Variants in ASB15 observed in about 807,000 individuals in gnomAD.
ASB15 encodes the protein ankyrin repeat and SOCS box containing 15, also known as ankyrin repeat and SOCS box protein 15.
ASB15 carries 54 observed loss-of-function variants against 58.0 expected under a neutral mutation model. The observed-to-expected ratio is 0.93, with a 90% CI of 0.75 to 1.17. The LOEUF is 1.17. ASB15 is among the 50% of genes most tolerant of loss of function. The pLI is 0.00. For synonymous variants in ASB15, 249 were observed against 262.4 expected (o/e 0.95, Z 0.50); for missense variants, 680 against 707.4 (o/e 0.96, Z 0.44).
intron 1 of ASB15, among the ~76,000 whole-genome samples, chr7:123,577,028 G>C (rs1433585921): frequency 6.6e-6 from 1 of 152,034 alleles, no homozygotes; most frequent in Non-Finnish European, 1.5e-5. Flanking sequence ...TTTTAATATG[G>C]AAATTATTCT....
At chr7:123,606,608 T>C (rs371723172) in intron 2 of ASB15, among the ~76,000 whole-genome samples, 6 of 152,212 alleles carry the variant, frequency 3.9e-5, no homozygotes, top group Admixed American at 2.6e-4. Context: ...CTGAAATTTG[T>C]ACCCCTTGGC....
chr7:123,584,029 A>C (rs1435416168), intron 1 of ASB15, among the ~76,000 whole-genome samples: 3 of 151,844 alleles, frequency 2.0e-5, no homozygotes, highest in East Asian at 3.9e-4. Flanking sequence ...TCCCTTAAAC[A>C]TCTCTATTTT....
intron 4 of ASB15, among the ~76,000 whole-genome samples, chr7:123,615,852 A>G (rs1460092902): frequency 6.6e-6 from 1 of 152,214 alleles, no homozygotes; most frequent in Non-Finnish European, 1.5e-5. Context: ...CAGATGAAGA[A>G]CCCACATCCA....
intron 1 of ASB15, among the ~76,000 whole-genome samples, chr7:123,579,021 G>A (rs1799150150): frequency 6.6e-6 from 1 of 152,048 alleles, no homozygotes; most frequent in Non-Finnish European, 1.5e-5. Flanking sequence ...AGTGATTGTA[G>A]TACTAATAGG....
In ASB15 at chr7:123,628,911, A is replaced by T. The variant is rs1461131243; in HGVS notation, c.917A>T (p.Lys306Ile). ...GTAACATCTAAAAATGCAATTCGGA[A>T]AAGTGGGCTAACACCAATTCACTCA... ...IPVTSKNAIR[K>I]SGLTPIHSAA... is the part of the protein sequence containing the mutation. The change falls in exon 10 of 12, where the codon AAA becomes ATA. Residue 306 changes from lysine to isoleucine, a missense_variant. Lys to Ile is a moderately radical substitution (Grantham distance 102). Transcript: ENST00000451215. The T allele has an allele frequency of 1.9e-6, 3 of 1,578,264 alleles. No individual in the cohort carries two copies. The highest frequency in any genetic ancestry group is 1.7e-4 in the Middle Eastern group (1 of 5,878).
Position 123,607,538 on chromosome 7 carries a change from G to A in ASB15, c.-63-1056G>A, listed in dbSNP as rs549243177. On this transcript the variant is annotated intron_variant, in intron 2 of 11. Transcript: ENST00000451215. ...GTCTTGTTTTATCACCCAAACTGGAGTGAAGTGGCATGAACATGGCTCACT... is the reference window on the plus strand; with the variant it reads ...GTCTTGTTTTATCACCCAAACTGGAATGAAGTGGCATGAACATGGCTCACT... Among the ~76,000 whole-genome samples, 4 of 152,172 alleles carry A rather than the reference G, an allele frequency of 2.6e-5. No homozygotes were observed. The South Asian group carries it at 8.3e-4, about 32-fold the overall frequency.
At chr7:123,611,032 A>C (rs1800410339) in intron 3 of ASB15, among the ~76,000 whole-genome samples, 1 of 147,350 alleles carries the variant, frequency 6.8e-6, no homozygotes, top group South Asian at 2.2e-4. Context: ...GCAGTGAGCC[A>C]AGATTGTGCC....
chr7:123,588,677 G>T (rs1213938406), intron 1 of ASB15, among the ~76,000 whole-genome samples: 1 of 148,926 alleles, frequency 6.7e-6, no homozygotes, highest in Non-Finnish European at 1.5e-5. Context: ...TATTTATTTG[G>T]GATTTTTTTT....
chr7:123,594,293 C>T (rs2116373223), intron 1 of ASB15, among the ~76,000 whole-genome samples: 1 of 152,210 alleles, frequency 6.6e-6, no homozygotes, highest in East Asian at 1.9e-4. Context: ...ACTCGTCAAA[C>T]TCATTCTCTG....
At chr7:123,606,910 A>G (rs1393394141) in intron 2 of ASB15, among the ~76,000 whole-genome samples, 1 of 152,206 alleles carries the variant, frequency 6.6e-6, no homozygotes, top group Admixed American at 6.5e-5. Flanking sequence ...TGCAACTAAC[A>G]TGGAAGTGCA....
chr7:123,604,170 A>G lies in ASB15; in HGVS notation c.-106A>G, dbSNP rs1043854900. The G allele has an allele frequency of 6.6e-6, 1 of 152,232 alleles. No individual in the cohort carries two copies. The highest frequency in any genetic ancestry group is 1.5e-5 in the Non-Finnish European group (1 of 68,050). 9.4% of individuals were successfully genotyped at this position (152,232 alleles called of 1,614,324 possible). A position where few individuals can be genotyped will look rare whatever the true frequency, so the allele number is the denominator to read the frequency against. ...CAGGGCTCCTGTGTTGCAGAGGAACACTACTTTCTCAGTGTAGCTCTGAGA... is the reference window on the plus strand; with the variant it reads ...CAGGGCTCCTGTGTTGCAGAGGAACGCTACTTTCTCAGTGTAGCTCTGAGA... On this transcript the variant is annotated 5_prime_UTR_variant, in exon 2 of 12. Transcript: ENST00000451215.
chr7:123,630,729 G>A (rs1043486712), intron 11 of ASB15, among the ~76,000 whole-genome samples: 2 of 152,132 alleles, frequency 1.3e-5, no homozygotes, highest in Non-Finnish European at 2.9e-5. Context: ...ATAGATTTGA[G>A]ATGCTTTCAC....
intron 7 of ASB15, 22 bp downstream of exon 7, chr7:123,617,759 A>G: frequency 6.3e-7 from 1 of 1,581,320 alleles, no homozygotes; most frequent in Non-Finnish European, 8.6e-7. Context: ...TTTTTTCTAG[A>G]ACTTTTATAG....
intron 3 of ASB15, among the ~76,000 whole-genome samples, chr7:123,610,181 T>C (rs895572369): frequency 1.3e-5 from 2 of 152,232 alleles, no homozygotes; most frequent in Non-Finnish European, 2.9e-5. Flanking sequence ...TATTTTCCTC[T>C]AACTTCTGAA....
At chr7:123,572,542 C>T (rs1798941474) in intron 1 of ASB15, among the ~76,000 whole-genome samples, 2 of 151,692 alleles carry the variant, frequency 1.3e-5, no homozygotes, top group African/African-American at 2.4e-5. Context: ...GTTTACCAAT[C>T]GTAAAGATTG....
chr7:123,572,088 A>G (rs1254536578), intron 1 of ASB15, among the ~76,000 whole-genome samples: 1 of 139,678 alleles, frequency 7.2e-6, no homozygotes, highest in Non-Finnish European at 1.5e-5. Context: ...GTGCCAGACC[A>G]GTTGTCTTGT....
At chr7:123,575,822 T>TA (rs1799048713) in intron 1 of ASB15, among the ~76,000 whole-genome samples, 1 of 150,990 alleles carries the variant, frequency 6.6e-6, no homozygotes, top group African/African-American at 2.4e-5. Flanking sequence ...TTTTCTTTTT[T>TA]TTTTTTTTTG....
intron 8 of ASB15, among the ~76,000 whole-genome samples, chr7:123,626,807 G>A (rs374726014): frequency 8.2e-4 from 124 of 152,024 alleles, no homozygotes; most frequent in African/African-American, 2.8e-3. Flanking sequence ...GAGTGATCTC[G>A]GCTCATCACA....
chr7:123,611,082 CAAAAAAA>C (rs34527165), intron 3 of ASB15, among the ~76,000 whole-genome samples: 73 of 81,844 alleles, frequency 8.9e-4, no homozygotes, highest in Admixed American at 5.9e-3. Flanking sequence ...AACTCCATCT[CAAAAAAA>C]AAAAAAAAAA....
Sources: gnomAD v4.1 joint callset for allele counts (sites outside exome capture counted in the v4.1 genomes callset) on GRCh38, gnomAD v4.1.1 for gene constraint, MANE v1.5 for transcripts, NCBI Gene and HGNC (gene_info 2026-07-23, HGNC 2026-07-21) for gene names.